The following NCKAP5 variants were observed in gnomAD, a reference collection of about 807,000 sequenced individuals.
The protein encoded by NCKAP5 is nck-associated protein 5.
Under a neutral mutation model 167.0 loss-of-function variants are expected in NCKAP5, and 92 were observed. That is an observed-to-expected ratio of 0.55 (90% CI 0.47 to 0.66). The LOEUF (loss-of-function observed/expected upper bound fraction) is 0.66. Among genes scored for constraint, NCKAP5 ranks in the 30% least tolerant of loss-of-function variants. The probability of loss-of-function intolerance (pLI) is 0.00; values close to 1 mark genes in which losing one functional copy is unlikely to be tolerated. For missense variants in NCKAP5, 2,378 were observed against 2,315.0 expected (o/e 1.03, Z -0.56); for synonymous variants, 891 against 877.4 (o/e 1.02, Z -0.27).
rs1178017550 is a variant in NCKAP5, at chr2:133,210,162, T to A, written c.207+3554A>T. On this transcript the variant is annotated intron_variant, in intron 5 of 19. Transcript: ENST00000409261. ...TCTGGGCAACAAGAGTGAAACTCCATCTCAAAAATAAATAATATAATATAA... is the reference window on the plus strand; with the variant it reads ...TCTGGGCAACAAGAGTGAAACTCCAACTCAAAAATAAATAATATAATATAA... 6.6e-5 allele frequency among the ~76,000 whole-genome samples: 3 copies of A among 45,456 alleles called. No individual in the cohort carries two copies. In the East Asian group the frequency reaches 1.8e-3, roughly 27 times the overall value. 29.8% of individuals were successfully genotyped at this position (45,456 alleles called of 152,430 possible). A position where few individuals can be genotyped will look rare whatever the true frequency, so the allele number is the denominator to read the frequency against.
At chr2:133,444,401 TAGATAG>T (rs1691062264) in intron 3 of NCKAP5, among the ~76,000 whole-genome samples, 1 of 123,250 alleles carries the variant, frequency 8.1e-6, no homozygotes, top group African/African-American at 3.0e-5. Context: ...GATAGATAGA[TAGATAG>T]ATATAGATAT....
At chr2:133,114,382 T>C (rs950999963) in intron 6 of NCKAP5, among the ~76,000 whole-genome samples, 2 of 152,208 alleles carry the variant, frequency 1.3e-5, no homozygotes, top group East Asian at 1.9e-4. Context: ...CATTAACTCC[T>C]GATCCTCCCT....
chr2:133,142,778 T>C (rs2083048821), intron 5 of NCKAP5, among the ~76,000 whole-genome samples: 1 of 152,120 alleles, frequency 6.6e-6, no homozygotes, highest in East Asian at 1.9e-4. Context: ...CCATAAGCCT[T>C]TGTCGCTGTG....
At chr2:133,123,282 A>T (rs897996960) in intron 6 of NCKAP5, 1 of 152,400 alleles carries the variant, frequency 6.6e-6, no homozygotes, top group Non-Finnish European at 1.5e-5. Flanking sequence ...GGAGCCGAAA[A>T]CAGCCTTTCT....
At chr2:133,235,409 C>T (rs1372226267) in intron 4 of NCKAP5, among the ~76,000 whole-genome samples, 1 of 152,060 alleles carries the variant, frequency 6.6e-6, no homozygotes, top group Non-Finnish European at 1.5e-5. Flanking sequence ...AAATGGCCCC[C>T]AATTACAGTA....
At chr2:132,764,352 T>A (rs1375069931) in intron 16 of NCKAP5, among the ~76,000 whole-genome samples, 1 of 152,216 alleles carries the variant, frequency 6.6e-6, no homozygotes. Flanking sequence ...CCTGTTTTCA[T>A]GGGCCTAACT....
intron 3 of NCKAP5, among the ~76,000 whole-genome samples, chr2:133,491,035 T>C (rs1165546098): frequency 6.6e-6 from 1 of 152,142 alleles, no homozygotes; most frequent in Non-Finnish European, 1.5e-5. Flanking sequence ...AAGAAAAGAA[T>C]TTGGATGTAA....
chr2:132,866,405 T>A (rs1393458235), intron 10 of NCKAP5, among the ~76,000 whole-genome samples: 2 of 152,296 alleles, frequency 1.3e-5, no homozygotes. Flanking sequence ...TTTGGAGGCA[T>A]CAAAGGAAGA....
At chr2:133,317,663 G>A (rs1266244519) in intron 3 of NCKAP5, among the ~76,000 whole-genome samples, 6 of 152,108 alleles carry the variant, frequency 3.9e-5, no homozygotes, top group African/African-American at 9.7e-5. Flanking sequence ...AGCTGTAGCC[G>A]ACTTAGTGCT....
Position 132,947,534 on chromosome 2 carries a change from A to G in NCKAP5, c.579+16186T>C, listed in dbSNP as rs144640491. ...ATGGAAAAGAGATTAATTCCATGACAATTATCTTGGCTTATCATCCCTTTA... is the reference window on the plus strand; with the variant it reads ...ATGGAAAAGAGATTAATTCCATGACGATTATCTTGGCTTATCATCCCTTTA... On this transcript the variant is annotated intron_variant, in intron 8 of 19. Coordinates refer to ENST00000409261, the MANE Select transcript of NCKAP5 (RefSeq NM_207363.3). Among the ~76,000 whole-genome samples, 322 of 152,280 alleles carry G rather than the reference A, an allele frequency of 2.1e-3. 2 individuals carry two copies. The highest frequency in any genetic ancestry group is 7.4e-3 in the African/African-American group (309 of 41,560).
chr2:132,918,270 T>C (rs1695038492), intron 8 of NCKAP5, among the ~76,000 whole-genome samples: 1 of 152,184 alleles, frequency 6.6e-6, no homozygotes, highest in East Asian at 1.9e-4. Flanking sequence ...GGCTGGTTTT[T>C]TTCTGAAAGG....
chr2:133,306,249 AG>A (rs1342686945), intron 3 of NCKAP5, among the ~76,000 whole-genome samples: 1 of 152,224 alleles, frequency 6.6e-6, no homozygotes, highest in Non-Finnish European at 1.5e-5. Context: ...TACATACAGG[AG>A]GTTATTGTAC....
the NCKAP5 span, among the ~76,000 whole-genome samples, chr2:133,586,751 TCACACACACACACACACACACA>T: frequency 7.1e-6 from 1 of 140,930 alleles, no homozygotes; most frequent in Non-Finnish European, 1.5e-5. Flanking sequence ...GACAGCAATA[TCACACACACACACACACACACA>T]CACACACACA....
In NCKAP5 at chr2:133,208,136, C is replaced by T. The variant is rs201975660; in HGVS notation, c.207+5580G>A. The stretch of plus-strand genomic sequence containing the variant: ...GGCAGATCACTTGAGCCCAGAGGTT[C>T]GAGACCAGCCTGGACAACATGGCGA... On this transcript the variant is annotated intron_variant, in intron 5 of 19. Transcript: ENST00000409261. Among the ~76,000 whole-genome samples the T allele has an allele frequency of 4.6e-5, 7 of 152,096 alleles. 1 individual carries two copies. The East Asian group carries it at 7.7e-4, about 17-fold the overall frequency.
chr2:132,832,629 C>A (rs1248977904), intron 11 of NCKAP5, among the ~76,000 whole-genome samples: 1 of 152,176 alleles, frequency 6.6e-6, no homozygotes, highest in Admixed American at 6.5e-5. Context: ...ATTTGACTTT[C>A]TGTGTCTGGC....
chr2:133,013,420 C>T (rs535901602), intron 6 of NCKAP5, among the ~76,000 whole-genome samples: 3 of 152,314 alleles, frequency 2.0e-5, no homozygotes, highest in Non-Finnish European at 4.4e-5. Flanking sequence ...GGAGACCTCA[C>T]AATCATGGTG....
chr2:133,371,604 A>G (rs966218549), intron 3 of NCKAP5, among the ~76,000 whole-genome samples: 3 of 152,130 alleles, frequency 2.0e-5, no homozygotes, highest in Admixed American at 1.3e-4. Context: ...TATTTCTTCA[A>G]CTCTGAATGG....
At chr2:133,097,228 G>C (rs562432394) in intron 6 of NCKAP5, among the ~76,000 whole-genome samples, 179 of 152,200 alleles carry the variant, frequency 1.2e-3, no homozygotes, top group Non-Finnish European at 1.7e-3. Flanking sequence ...TGCACAGAGG[G>C]TGGCAGTGTC....
At chr2:133,498,985 C>G (rs1195148785) in intron 3 of NCKAP5, among the ~76,000 whole-genome samples, 1 of 152,244 alleles carries the variant, frequency 6.6e-6, no homozygotes, top group Admixed American at 6.5e-5. Context: ...CCTCCTGAAT[C>G]AAGGAACTGC....
Sources: allele counts gnomAD v4.1 joint callset (sites outside exome capture counted in the v4.1 genomes callset), GRCh38; gene constraint gnomAD v4.1.1; transcripts MANE v1.5; gene names NCBI Gene and HGNC (gene_info 2026-07-23, HGNC 2026-07-21).